The following GUCY1A1 variants were observed in gnomAD, a reference collection of about 807,000 sequenced individuals.
GUCY1A1 encodes the protein guanylate cyclase 1 soluble subunit alpha 1, also known as guanylate cyclase soluble subunit alpha-1.
Under a neutral mutation model 64.5 loss-of-function variants are expected in GUCY1A1, and 48 were observed. The observed-to-expected ratio is 0.74, with a 90% CI of 0.59 to 0.95. The LOEUF (loss-of-function observed/expected upper bound fraction) is 0.95, where lower values mean the gene tolerates loss of function less well. GUCY1A1 is among the 40% of genes least tolerant of loss of function. The pLI is 0.00. For synonymous variants in GUCY1A1, 308 were observed against 303.4 expected (o/e 1.02, Z -0.16); for missense variants, 804 against 825.3 (o/e 0.97, Z 0.32).
In GUCY1A1 at chr4:155,722,182, A is replaced by G. The variant is rs761930782; in HGVS notation, c.1861A>G (p.Thr621Ala). 4 of 1,612,490 alleles carry G rather than the reference A, an allele frequency of 2.5e-6. No homozygotes were observed. The highest frequency in any genetic ancestry group is 3.4e-6 in the Non-Finnish European group (4 of 1,179,042). ...SVPRKINVSP[T>A]TYRLLKDCPG... ...ACCACGAAAAATCAATGTCAGCCCA[A>G]CAACTTACAGGTAGTAATTATGTTA... Residue 621 changes from threonine (T) to alanine (A), a missense_variant, in exon 9 of 10, where the codon ACA becomes GCA. Physicochemically the swap from Thr to Ala is moderately conservative, Grantham distance 58. Transcript: ENST00000506455.
chr4:155,718,792 C>T (rs533202192), intron 8 of GUCY1A1, among the ~76,000 whole-genome samples: 104 of 152,300 alleles, frequency 6.8e-4, no homozygotes, highest in African/African-American at 2.2e-3. Flanking sequence ...ACTTCCACTG[C>T]ACTCTATCAG....
intron 2 of GUCY1A1, among the ~76,000 whole-genome samples, chr4:155,694,065 TG>T (rs1020088074): frequency 6.6e-6 from 1 of 152,200 alleles, no homozygotes; most frequent in African/African-American, 2.4e-5. Flanking sequence ...GTCTTCCTTT[TG>T]TTTTTATGTA....
intron 3 of GUCY1A1, among the ~76,000 whole-genome samples, chr4:155,703,266 T>C (rs1393312108): frequency 6.6e-6 from 1 of 152,150 alleles, no homozygotes; most frequent in Non-Finnish European, 1.5e-5. Flanking sequence ...TGATGAGGAT[T>C]ATTAGTTCAA....
chr4:155,689,095 C>G (rs1203229419), intron 2 of GUCY1A1, among the ~76,000 whole-genome samples: 1 of 150,234 alleles, frequency 6.7e-6, no homozygotes, highest in Admixed American at 6.7e-5. Flanking sequence ...ACATTATTTC[C>G]CTAGCGATAG....
At chr4:155,712,867 A>G (rs535582980) in intron 6 of GUCY1A1, among the ~76,000 whole-genome samples, 10 of 152,354 alleles carry the variant, frequency 6.6e-5, no homozygotes, top group African/African-American at 2.2e-4. Flanking sequence ...AGCGTTTTGC[A>G]TTGTTCATTG....
At chr4:155,718,587 G>A (rs924881295) in intron 8 of GUCY1A1, among the ~76,000 whole-genome samples, 3 of 152,170 alleles carry the variant, frequency 2.0e-5, no homozygotes, top group African/African-American at 7.2e-5. Flanking sequence ...ATTGAAGCTG[G>A]AGGATTCATT....
intron 3 of GUCY1A1, among the ~76,000 whole-genome samples, chr4:155,700,052 ACT>A (rs1423234539): frequency 6.6e-6 from 1 of 151,942 alleles, no homozygotes; most frequent in Non-Finnish European, 1.5e-5. Context: ...GAAATGGAAA[ACT>A]CTCTGCATTT....
rs1314026681 is a variant in GUCY1A1 at position 155,731,368 on chromosome 4, T to A, written c.*1137T>A. The stretch of plus-strand genomic sequence containing the variant: ...ATGAACTAAGAATCAAGTTTTTGTC[T>A]CATTAAATATACATATATGAAGTGT... On this transcript the variant is annotated 3_prime_UTR_variant, in exon 10 of 10. Coordinates refer to ENST00000506455, the MANE Select transcript of GUCY1A1 (RefSeq NM_001130682.3). 1 of 151,536 alleles carries A rather than the reference T, an allele frequency of 6.6e-6. No individual in the cohort carries two copies. Among genetic ancestry groups the A allele is most frequent in the Non-Finnish European group, 1.5e-5 (1 of 67,784 alleles). The allele number at this position is 151,536 out of a possible 1,614,324, so 9.4% of individuals were successfully genotyped here. A position where few individuals can be genotyped will look rare whatever the true frequency, so the allele number is the denominator to read the frequency against.
At chr4:155,696,429 T>C (rs773174941) in intron 2 of GUCY1A1, among the ~76,000 whole-genome samples, 5 of 152,228 alleles carry the variant, frequency 3.3e-5, no homozygotes, top group Non-Finnish European at 5.9e-5. Context: ...CATAAAACCG[T>C]GGTGTTCCAC....
chr4:155,710,013 A>G (rs16998958), intron 5 of GUCY1A1, among the ~76,000 whole-genome samples: 1,768 of 152,334 alleles, frequency 0.012, 38 homozygotes, highest in African/African-American at 0.041. Context: ...CCAAGCAGAC[A>G]TTCATTCAGC....
intron 6 of GUCY1A1, among the ~76,000 whole-genome samples, chr4:155,712,655 C>T (rs1732725530): frequency 6.6e-6 from 1 of 151,634 alleles, no homozygotes; most frequent in Admixed American, 6.6e-5. Flanking sequence ...AGAAGAGAAA[C>T]ATGCTAAAAG....
In GUCY1A1 at chr4:155,675,508, G is replaced by A. The variant is rs184567986; in HGVS notation, c.-113+8089G>A. On this transcript the variant is annotated intron_variant, in intron 2 of 9. Transcript: ENST00000506455. ...GGCAGGCTTCCCAGCGAAAACAAAC[G>A]TCTTTGGGTAAAATTCTATTTCTTT... 6.2e-4 allele frequency among the ~76,000 whole-genome samples: 94 copies of A among 151,614 alleles called. 2 individuals carry two copies. The highest frequency in any genetic ancestry group is 5.4e-3 in the Admixed American group (82 of 15,286).
At chr4:155,689,969 C>T (rs761611970) in intron 2 of GUCY1A1, among the ~76,000 whole-genome samples, 15 of 152,090 alleles carry the variant, frequency 9.9e-5, no homozygotes, top group Non-Finnish European at 1.8e-4. Context: ...TAGATGCAGT[C>T]CGTTAGGAAG....
Position 155,708,277 on chromosome 4 carries a change from A to G in GUCY1A1, c.359A>G (p.Glu120Gly). Residue 120 changes from glutamate (E) to glycine (G), a missense_variant, in exon 5 of 10, where the codon GAG becomes GGG. By Grantham distance (98) the Glu-to-Gly change is moderately conservative. Coordinates refer to ENST00000506455, the MANE Select transcript of GUCY1A1 (RefSeq NM_001130682.3). ...GAAGACTTTGAAAAAACAATTGCAGAGCAAGCAGTTGCAGCAGGTAATAGA... is the reference window on the plus strand; with the variant it reads ...GAAGACTTTGAAAAAACAATTGCAGGGCAAGCAGTTGCAGCAGGTAATAGA... ...EREDFEKTIA[E>G]QAVAAGVPVE... 1 of 1,550,458 alleles carries G rather than the reference A, an allele frequency of 6.4e-7. No individual in the cohort carries two copies. Among genetic ancestry groups the G allele is most frequent in the Non-Finnish European group, 8.9e-7 (1 of 1,122,788 alleles).
chr4:155,687,295 A>G (rs952667861), intron 2 of GUCY1A1, among the ~76,000 whole-genome samples: 13 of 152,206 alleles, frequency 8.5e-5, no homozygotes, highest in African/African-American at 3.1e-4. Flanking sequence ...AAAGTTGCCT[A>G]GAGCTCTAGT....
chr4:155,723,173 AGCTCCCTCCCT>A (rs1734197042), intron 9 of GUCY1A1, among the ~76,000 whole-genome samples: 1 of 152,288 alleles, frequency 6.6e-6, no homozygotes, highest in African/African-American at 2.4e-5. Flanking sequence ...GAGTTTTAGA[AGCTCCCTCCCT>A]GCAATCAAGG....
At chr4:155,701,285 C>T (rs1383142198) in intron 3 of GUCY1A1, among the ~76,000 whole-genome samples, 1 of 152,106 alleles carries the variant, frequency 6.6e-6, no homozygotes, top group African/African-American at 2.4e-5. Context: ...GCTACTAATG[C>T]TTTGCACGGA....
intron 4 of GUCY1A1, 42 bp from the exon 5 acceptor site, chr4:155,708,194 G>T (rs750038572): frequency 3.2e-6 from 3 of 928,064 alleles, no homozygotes; most frequent in Non-Finnish European, 5.3e-6. Flanking sequence ...CTTTTAGCAT[G>T]TATTTATAAG....
rs376813021 is a variant in GUCY1A1 at position 155,696,939 on chromosome 4, A to G, written c.72A>G (p.Gln24=). ...ECPFSLLAPG[Q]VPNESSEEAA... The stretch of plus-strand genomic sequence containing the variant: ...CTTTCTCCTTACTGGCACCAGGTCA[A>G]GTTCCTAACGAGTCTTCAGAGGAGG... Residue 24 remains glutamine, a synonymous_variant, in exon 3 of 10, where the codon CAA becomes CAG. Coordinates refer to ENST00000506455, the MANE Select transcript of GUCY1A1 (RefSeq NM_001130682.3). 4 of 1,613,440 alleles carry G rather than the reference A, an allele frequency of 2.5e-6. No homozygotes were observed. The highest frequency in any genetic ancestry group is 2.2e-5 in the East Asian group (1 of 44,876).
Sources: allele counts gnomAD v4.1 joint callset (sites outside exome capture counted in the v4.1 genomes callset), GRCh38; gene constraint gnomAD v4.1.1; transcripts MANE v1.5; gene names NCBI Gene and HGNC (gene_info 2026-07-23, HGNC 2026-07-21).